AGBL1: variants seen among roughly 807,000 people sequenced by gnomAD.
AGBL1 encodes the protein cytosolic carboxypeptidase 4.
A neutral mutation model predicts 118.9 loss-of-function variants in AGBL1; 130 were observed. That is an observed-to-expected ratio of 1.09 (90% CI 0.95 to 1.26). AGBL1 has a LOEUF of 1.26. AGBL1 is among the 50% of genes most tolerant of loss of function. The pLI is 0.00. For synonymous variants in AGBL1, 555 were observed against 478.9 expected (o/e 1.16, Z -2.08); for missense variants, 1,584 against 1,298.1 (o/e 1.22, Z -3.38).
At chr15:86,191,747 C>T (rs1399471201) in intron 5 of AGBL1, among the ~76,000 whole-genome samples, 2 of 151,796 alleles carry the variant, frequency 1.3e-5, no homozygotes, top group Admixed American at 6.6e-5. Context: ...AATCTTCCTC[C>T]ATTATTACCT....
chr15:86,626,776 TA>T (rs1194442501), intron 21 of AGBL1, among the ~76,000 whole-genome samples: 7 of 151,482 alleles, frequency 4.6e-5, no homozygotes, highest in Admixed American at 1.3e-4. Flanking sequence ...AGAGCCTTCC[TA>T]AAAGACAATT....
chr15:86,539,054 T>C (rs2083460562), intron 19 of AGBL1, among the ~76,000 whole-genome samples: 2 of 150,248 alleles, frequency 1.3e-5, no homozygotes, highest in African/African-American at 4.9e-5. Flanking sequence ...CAAGAATGCA[T>C]TGGAAAAGGT....
intron 1 of AGBL1, among the ~76,000 whole-genome samples, chr15:86,139,179 G>C (rs2076928161): frequency 6.6e-6 from 1 of 152,084 alleles, no homozygotes; most frequent in Non-Finnish European, 1.5e-5. Context: ...GCCCTTGTTA[G>C]CCCAAAGCTC....
chr15:86,876,935 T>C (rs1392506081), intron 22 of AGBL1, among the ~76,000 whole-genome samples: 2 of 152,128 alleles, frequency 1.3e-5, no homozygotes, highest in African/African-American at 2.4e-5. Flanking sequence ...GCATTATGCG[T>C]GGCACAATAA....
At chr15:86,230,415 G>T (rs1303261336) in intron 6 of AGBL1, among the ~76,000 whole-genome samples, 1 of 152,198 alleles carries the variant, frequency 6.6e-6, no homozygotes, top group East Asian at 1.9e-4. Flanking sequence ...ATATGTTTAG[G>T]ATGGTTGGCA....
intron 23 of AGBL1, among the ~76,000 whole-genome samples, chr15:86,985,510 T>G (rs2081272423): frequency 6.6e-6 from 1 of 152,266 alleles, no homozygotes; most frequent in Non-Finnish European, 1.5e-5. Flanking sequence ...GCTTTTCATA[T>G]GCTTATTTGC....
At chr15:86,303,520 C>T (rs528970690) in intron 17 of AGBL1, among the ~76,000 whole-genome samples, 33 of 151,834 alleles carry the variant, frequency 2.2e-4, no homozygotes, top group South Asian at 6.2e-4. Context: ...AGACTGTTGT[C>T]GGGGGATAAG....
At chr15:86,670,710 AAT>A (rs1175674207) in intron 21 of AGBL1, among the ~76,000 whole-genome samples, 6 of 151,216 alleles carry the variant, frequency 4.0e-5, no homozygotes, top group Admixed American at 6.6e-5. Flanking sequence ...ACATATATGT[AAT>A]AGTCTATCAA....
chr15:86,117,285 G>A (rs540127361), intron 1 of AGBL1, among the ~76,000 whole-genome samples: 1 of 152,216 alleles, frequency 6.6e-6, no homozygotes, highest in South Asian at 2.1e-4. Flanking sequence ...GGAAAATGGG[G>A]AGAAACCGGC....
chr15:86,376,693 A>C (rs2081044946), intron 17 of AGBL1, among the ~76,000 whole-genome samples: 1 of 152,198 alleles, frequency 6.6e-6, no homozygotes, highest in Non-Finnish European at 1.5e-5. Context: ...TTTAGTCTCC[A>C]GTTCCTCCAG....
chr15:86,466,497 A>G (rs1368881723), intron 18 of AGBL1, among the ~76,000 whole-genome samples: 3 of 152,144 alleles, frequency 2.0e-5, no homozygotes, highest in Non-Finnish European at 2.9e-5. Context: ...ACTTCTGTCA[A>G]TTGTCAAACT....
At chr15:86,134,865 A>G (rs1421430616) in intron 1 of AGBL1, among the ~76,000 whole-genome samples, 1 of 151,656 alleles carries the variant, frequency 6.6e-6, no homozygotes, top group East Asian at 1.9e-4. Context: ...TGCCTGCCTC[A>G]GCCTCCCAAA....
intron 22 of AGBL1, among the ~76,000 whole-genome samples, chr15:86,676,942 G>C (rs1197645240): frequency 2.0e-5 from 3 of 152,076 alleles, no homozygotes; most frequent in Non-Finnish European, 2.9e-5. Context: ...CTTGAACCTG[G>C]GAGGCGGAGG....
At chr15:86,788,434 G>A (rs925936384) in intron 22 of AGBL1, among the ~76,000 whole-genome samples, 2 of 152,120 alleles carry the variant, frequency 1.3e-5, no homozygotes, top group Non-Finnish European at 2.9e-5. Flanking sequence ...TGAAGTCACT[G>A]CAAGAAAATG....
At chr15:86,202,206 T>A (rs2077918732) in intron 5 of AGBL1, among the ~76,000 whole-genome samples, 1 of 151,992 alleles carries the variant, frequency 6.6e-6, no homozygotes, top group South Asian at 2.1e-4. Context: ...GGCAGGAGAA[T>A]CCCTTGAACC....
chr15:86,837,592 T>C (rs561068499), intron 22 of AGBL1, among the ~76,000 whole-genome samples: 1 of 152,288 alleles, frequency 6.6e-6, no homozygotes, highest in African/African-American at 2.4e-5. Flanking sequence ...CAGAAAAAGT[T>C]TACTGATTCT....
chr15:86,658,874 A>G (rs575345204), intron 21 of AGBL1, among the ~76,000 whole-genome samples: 33 of 152,204 alleles, frequency 2.2e-4, no homozygotes, highest in Middle Eastern at 3.2e-3. Flanking sequence ...GAGATAAATC[A>G]TAGAATGTTA....
chr15:86,830,640 A>G (rs746834502), intron 22 of AGBL1, among the ~76,000 whole-genome samples: 2 of 152,194 alleles, frequency 1.3e-5, no homozygotes, highest in African/African-American at 2.4e-5. Flanking sequence ...CCTGTCAGCA[A>G]CATACACTGG....
At chr15:86,207,621 A>G (rs1027750165) in intron 5 of AGBL1, among the ~76,000 whole-genome samples, 1 of 151,970 alleles carries the variant, frequency 6.6e-6, no homozygotes, top group Non-Finnish European at 1.5e-5. Context: ...TTTGTCTGTT[A>G]TTGGTGTATA....
Sources: allele counts gnomAD v4.1 joint callset (sites outside exome capture counted in the v4.1 genomes callset), GRCh38; gene constraint gnomAD v4.1.1; transcripts MANE v1.5; gene names NCBI Gene and HGNC (gene_info 2026-07-23, HGNC 2026-07-21).